The following HMGCLL1 variants were observed in gnomAD, a reference collection of about 807,000 sequenced individuals.
HMGCLL1 encodes 3-hydroxymethyl-3-methylglutaryl-CoA lyase, cytoplasmic.
HMGCLL1 carries 36 observed loss-of-function variants against 39.1 expected under a neutral mutation model. That is an observed-to-expected ratio of 0.92 (90% confidence interval 0.71 to 1.22). HMGCLL1 has a LOEUF of 1.22. HMGCLL1 is among the 50% of genes most tolerant of loss of function. The pLI, the probability that HMGCLL1 is intolerant of heterozygous loss-of-function variation, is 0.00. For synonymous variants in HMGCLL1, 149 were observed against 144.0 expected (o/e 1.03, Z -0.25); for missense variants, 451 against 416.5 (o/e 1.08, Z -0.72).
the HMGCLL1 span, among the ~76,000 whole-genome samples, chr6:55,602,255 G>T: frequency 6.6e-6 from 1 of 151,972 alleles, no homozygotes. Flanking sequence ...GTAGCTTGAA[G>T]ACTTTTTTTG....
At chr6:55,638,689 C>A in the HMGCLL1 span, among the ~76,000 whole-genome samples, 1 of 152,090 alleles carries the variant, frequency 6.6e-6, no homozygotes, top group African/African-American at 2.4e-5. Flanking sequence ...GATAAGGCTG[C>A]CTAATCCACA....
At chr6:55,652,023 T>C in the HMGCLL1 span, among the ~76,000 whole-genome samples, 1 of 152,058 alleles carries the variant, frequency 6.6e-6, no homozygotes, top group Non-Finnish European at 1.5e-5. Context: ...CCTCAATGAC[T>C]CTTAGTGATA....
At chr6:55,589,210 T>C in the HMGCLL1 span, among the ~76,000 whole-genome samples, 2 of 152,168 alleles carry the variant, frequency 1.3e-5, no homozygotes, top group African/African-American at 4.8e-5. Context: ...TCCACCATGA[T>C]CAAGTGGGCT....
chr6:55,541,511 A>G (rs1188467431), intron 3 of HMGCLL1, among the ~76,000 whole-genome samples: 5 of 152,200 alleles, frequency 3.3e-5, no homozygotes, highest in African/African-American at 1.2e-4. Flanking sequence ...CCTATTCATT[A>G]TATTGAACCA....
At chr6:55,492,925 A>C (rs1161376906) in intron 7 of HMGCLL1, among the ~76,000 whole-genome samples, 1 of 152,128 alleles carries the variant, frequency 6.6e-6, no homozygotes, top group Admixed American at 6.5e-5. Context: ...CTAGTATCAC[A>C]GGAGCCACTG....
chr6:55,655,536 GTAGATAGA>G, the HMGCLL1 span, among the ~76,000 whole-genome samples: 100 of 147,732 alleles, frequency 6.8e-4, no homozygotes, highest in Middle Eastern at 3.4e-3. Context: ...AGTTATATTG[GTAGATAGA>G]TAGATAGATA....
intron 1 of HMGCLL1, among the ~76,000 whole-genome samples, chr6:55,543,497 C>G (rs376902510): frequency 1.2e-3 from 17 of 14,706 alleles, no homozygotes; most frequent in Non-Finnish European, 1.5e-3. Flanking sequence ...TGATATATAT[C>G]ATATATATCA....
intron 1 of HMGCLL1, among the ~76,000 whole-genome samples, chr6:55,575,616 T>C (rs1444018098): frequency 6.6e-6 from 1 of 152,162 alleles, no homozygotes; most frequent in East Asian, 1.9e-4. Context: ...AATTATTTCA[T>C]ATTACAGGAG....
chr6:55,628,891 G>C, the HMGCLL1 span, among the ~76,000 whole-genome samples: 1 of 152,126 alleles, frequency 6.6e-6, no homozygotes, highest in Non-Finnish European at 1.5e-5. Context: ...CCATGATTGT[G>C]TGGCCTCCTC....
At chr6:55,495,720 T>C in intron 6 of HMGCLL1, 113 bp from the exon 7 acceptor site, 1 of 617,154 alleles carries the variant, frequency 1.6e-6, no homozygotes, top group South Asian at 3.1e-5. Flanking sequence ...ACCAGTAATG[T>C]CCATGAAAAA....
At chr6:55,558,910 C>T (rs1296207875) in intron 1 of HMGCLL1, among the ~76,000 whole-genome samples, 2 of 152,176 alleles carry the variant, frequency 1.3e-5, no homozygotes, top group Non-Finnish European at 2.9e-5. Flanking sequence ...TAACCTTGTT[C>T]ATAATCTGCC....
the HMGCLL1 span, among the ~76,000 whole-genome samples, chr6:55,585,457 T>C: frequency 6.6e-6 from 1 of 152,102 alleles, no homozygotes; most frequent in Non-Finnish European, 1.5e-5. Flanking sequence ...AAACTTCACT[T>C]AGAAAATATT....
intron 3 of HMGCLL1, among the ~76,000 whole-genome samples, chr6:55,539,917 A>AGAAAGAAG (rs1769265055): frequency 7.5e-6 from 1 of 133,368 alleles, no homozygotes; most frequent in Admixed American, 7.5e-5. Flanking sequence ...AAAGAAAGAA[A>AGAAAGAAG]GAAAAGGAGG....
At chr6:55,615,066 C>T in the HMGCLL1 span, among the ~76,000 whole-genome samples, 1 of 151,906 alleles carries the variant, frequency 6.6e-6, no homozygotes, top group African/African-American at 2.4e-5. Context: ...TATTTTGTTG[C>T]CATTTACCAA....
At chr6:55,579,752 G>A (rs1026919929), upstream of HMGCLL1, among the ~76,000 whole-genome samples, 1 of 152,160 alleles carries the variant, frequency 6.6e-6, no homozygotes, top group African/African-American at 2.4e-5. Context: ...ATGGAACTGC[G>A]TGTTTAAAAG....
intron 3 of HMGCLL1, among the ~76,000 whole-genome samples, chr6:55,522,599 C>T (rs1026648833): frequency 7.2e-5 from 11 of 151,934 alleles, no homozygotes; most frequent in Admixed American, 2.0e-4. Flanking sequence ...CCCGCTGCAC[C>T]GGCCCTGAAC....
At chr6:55,485,677 A>G (rs1646958290) in intron 7 of HMGCLL1, among the ~76,000 whole-genome samples, 1 of 152,020 alleles carries the variant, frequency 6.6e-6, no homozygotes, top group East Asian at 1.9e-4. Context: ...AATACAAATA[A>G]TCATTAAACA....
chr6:55,491,773 AC>A (rs1766323162), intron 7 of HMGCLL1, among the ~76,000 whole-genome samples: 1 of 152,094 alleles, frequency 6.6e-6, no homozygotes, highest in South Asian at 2.1e-4. Flanking sequence ...ACGTTTTGTC[AC>A]CTCATTTTCT....
At position 55,475,665 on chromosome 6, in the gene HMGCLL1, G is replaced by A. The variant is rs1457587977; in HGVS notation, c.795+19754C>T. 1.3e-5 allele frequency among the ~76,000 whole-genome samples: 2 copies of A among 151,580 alleles called. 1 individual carries two copies. The highest frequency in any genetic ancestry group is 4.8e-5 in the African/African-American group (2 of 41,342). On this transcript the variant is annotated intron_variant, in intron 7 of 8. Transcript: ENST00000274901. ...GAAAATCCTAATTGTAATATAGCCT[G>A]TTTATCAATTATTTTCCACTGTTAG...
Sources: gnomAD v4.1 joint callset for allele counts (sites outside exome capture counted in the v4.1 genomes callset) on GRCh38, gnomAD v4.1.1 for gene constraint, MANE v1.5 for transcripts, NCBI Gene and HGNC (gene_info 2026-07-23, HGNC 2026-07-21) for gene names.